KIAA0319: variants seen among roughly 807,000 people sequenced by gnomAD.
The protein encoded by KIAA0319 is dyslexia-associated protein KIAA0319.
In KIAA0319, 83 loss-of-function variants were observed where a neutral mutation model predicts 108.4. The observed-to-expected ratio is 0.77, with a 90% CI of 0.64 to 0.92. The LOEUF (loss-of-function observed/expected upper bound fraction) is 0.92, where lower values mean the gene tolerates loss of function less well. Ranked by LOEUF, KIAA0319 falls within the 40% of genes least tolerant of loss-of-function variation. The pLI, the probability that KIAA0319 is intolerant of heterozygous loss-of-function variation, is 0.00. For missense variants in KIAA0319, 1,195 were observed against 1,322.4 expected, an observed-to-expected ratio of 0.90 and a Z score of 1.49; for synonymous variants, 484 against 510.4, an observed-to-expected ratio of 0.95 and a Z score of 0.70.
chr6:24,630,036 G>C (rs998280327), intron 1 of KIAA0319, among the ~76,000 whole-genome samples: 3 of 151,914 alleles, frequency 2.0e-5, no homozygotes, highest in African/African-American at 7.3e-5. Context: ...AAAATTAGCC[G>C]GGCATGGTGG....
intron 5 of KIAA0319, chr6:24,583,249 C>A: frequency 2.0e-6 from 2 of 1,006,408 alleles, no homozygotes; most frequent in Non-Finnish European, 2.4e-6. Context: ...TATGGGTGCA[C>A]GCCACTTCCC....
chr6:24,637,247 G>T (rs1776320112), intron 1 of KIAA0319, among the ~76,000 whole-genome samples: 1 of 152,164 alleles, frequency 6.6e-6, no homozygotes, highest in African/African-American at 2.4e-5. Flanking sequence ...CTTTCTGGAG[G>T]ACCAAAGATA....
chr6:24,599,186 T>C lies in KIAA0319; in HGVS notation c.55+1863A>G. 2 of 548,938 alleles carry C rather than the reference T, an allele frequency of 3.6e-6. No homozygotes were observed. The highest frequency in any genetic ancestry group is 4.1e-5 in the South Asian group (2 of 49,274). 34.0% of individuals were successfully genotyped at this position (548,938 alleles called of 1,614,324 possible). ...TCACCAACTGTAGCCAGGCCGGGGC[T>C]GACAGCCTGTACCAGGTCAAGTATG... On this transcript the variant is annotated intron_variant, in intron 2 of 20. Transcript: ENST00000378214. This position sits in a 1 kb window ranked among gnomAD's most constrained non-coding sequence, Gnocchi z 4.1.
At chr6:24,561,895 G>T (rs566786414) in intron 16 of KIAA0319, among the ~76,000 whole-genome samples, 2 of 152,294 alleles carry the variant, frequency 1.3e-5, no homozygotes, top group South Asian at 2.1e-4. Flanking sequence ...TAGAGACGAG[G>T]TTTCGCCATG....
intron 14 of KIAA0319, among the ~76,000 whole-genome samples, chr6:24,565,034 T>C (rs1391201933): frequency 6.6e-6 from 1 of 151,938 alleles, no homozygotes; most frequent in Non-Finnish European, 1.5e-5. Context: ...GATCACGAGG[T>C]CAGGAGATCG....
At chr6:24,553,294 T>TATACACACAC (rs1554142428) in intron 19 of KIAA0319, among the ~76,000 whole-genome samples, 1 of 91,064 alleles carries the variant, frequency 1.1e-5, no homozygotes, top group African/African-American at 4.8e-5. Context: ...TATATATATA[T>TATACACACAC]ACACACACAC....
chr6:24,630,694 TA>T (rs1775455018), intron 1 of KIAA0319, among the ~76,000 whole-genome samples: 1 of 71,674 alleles, frequency 1.4e-5, no homozygotes. Flanking sequence ...TATATATATA[TA>T]TATATATACA....
chr6:24,633,342 A>C (rs1401211183), intron 1 of KIAA0319, among the ~76,000 whole-genome samples: 3 of 152,242 alleles, frequency 2.0e-5, no homozygotes, highest in Non-Finnish European at 2.9e-5. Flanking sequence ...TTTTAAACAT[A>C]ATCATAAAAC....
intron 14 of KIAA0319, among the ~76,000 whole-genome samples, chr6:24,565,752 C>CAAAAAAAA (rs71542686): frequency 1.1e-3 from 67 of 61,880 alleles, no homozygotes; most frequent in Non-Finnish European, 1.2e-3. Context: ...GACTCCATCT[C>CAAAAAAAA]AAAAAAAAAA....
intron 1 of KIAA0319, among the ~76,000 whole-genome samples, chr6:24,635,930 T>C (rs1337296188): frequency 1.3e-5 from 2 of 152,160 alleles, no homozygotes; most frequent in Non-Finnish European, 2.9e-5. Flanking sequence ...TCTGACATTA[T>C]GAAATATTAT....
At chr6:24,549,139 T>G (rs1761061908) in intron 20 of KIAA0319, among the ~76,000 whole-genome samples, 1 of 151,782 alleles carries the variant, frequency 6.6e-6, no homozygotes, top group African/African-American at 2.4e-5. Flanking sequence ...CTGGCTGACA[T>G]GGAGAAACCC....
In KIAA0319 at chr6:24,595,924, T is replaced by G. The variant is rs148833009; in HGVS notation, c.750A>C (p.Lys250Asn). The change falls in exon 3 of 21, where the codon AAA becomes AAC. Residue 250 changes from lysine (K) to asparagine (N), a missense_variant. Coordinates refer to ENST00000378214, the MANE Select transcript of KIAA0319 (RefSeq NM_014809.4). ...GTTCCTGGAGCTGAGAAGCCTTTTC[T>G]TTCTCCAACACCTCTCCTGAAGATG... Reference protein sequence around the residue: ...TTPSSGEVLEKEKASQLQEQS... With the variant: ...TTPSSGEVLENEKASQLQEQS... The G allele has an allele frequency of 5.6e-6, 9 of 1,613,248 alleles. No individual in the cohort carries two copies. The African/African-American group carries it at 1.2e-4, about 22-fold the overall frequency.
At chr6:24,565,624 G>A (rs932966352) in intron 14 of KIAA0319, among the ~76,000 whole-genome samples, 1 of 151,878 alleles carries the variant, frequency 6.6e-6, no homozygotes, top group Non-Finnish European at 1.5e-5. Flanking sequence ...GTGGTGGCAC[G>A]TGCCTGTAGT....
At chr6:24,566,547 T>C in intron 14 of KIAA0319, 50 bp downstream of exon 14, 1 of 1,516,966 alleles carries the variant, frequency 6.6e-7, no homozygotes, top group Non-Finnish European at 8.9e-7. Flanking sequence ...AGCTGACTAA[T>C]GCAGATGTAA....
chr6:24,608,955 A>AG (rs1771867280), intron 1 of KIAA0319, among the ~76,000 whole-genome samples: 2 of 146,466 alleles, frequency 1.4e-5, no homozygotes, highest in South Asian at 2.2e-4. Context: ...AAAAAAAAAA[A>AG]AAGGCATGTC....
intron 1 of KIAA0319, among the ~76,000 whole-genome samples, chr6:24,612,691 A>T (rs1395480774): frequency 6.6e-6 from 1 of 152,226 alleles, no homozygotes; most frequent in Non-Finnish European, 1.5e-5. Flanking sequence ...GGTGGGAAAA[A>T]TATAAATATA....
At chr6:24,579,807 C>T (rs1429523955) in intron 8 of KIAA0319, 51 bp downstream of exon 8, 10 of 1,421,384 alleles carry the variant, frequency 7.0e-6, no homozygotes, top group Admixed American at 2.0e-5. Context: ...CATTACATTT[C>T]GTAGCACGTA....
At chr6:24,549,968 G>C (rs1761226917) in intron 20 of KIAA0319, among the ~76,000 whole-genome samples, 1 of 152,172 alleles carries the variant, frequency 6.6e-6, no homozygotes, top group Non-Finnish European at 1.5e-5. Context: ...TCAGAAGGAT[G>C]AGTGTATTTT....
In KIAA0319 at chr6:24,547,352, A is replaced by C; in HGVS notation, c.3041-9T>G. 6.2e-7 allele frequency: 1 copy of C among 1,612,094 alleles called. No homozygotes were observed. The highest frequency in any genetic ancestry group is 8.5e-7 in the Non-Finnish European group (1 of 1,178,540). ...GCTTCGGTGCTTGATACCTAGAGAG[A>C]AGCACAGAAGCATCTGAGGAGGAAC... On this transcript the variant is annotated splice_polypyrimidine_tract_variant and intron_variant, in intron 20 of 20. Transcript: ENST00000378214.
Sources: allele counts gnomAD v4.1 joint callset (sites outside exome capture counted in the v4.1 genomes callset), GRCh38; gene constraint gnomAD v4.1.1; non-coding constraint Gnocchi (gnomAD v3.1); transcripts MANE v1.5; gene names NCBI Gene and HGNC (gene_info 2026-07-23, HGNC 2026-07-21).